The following IL1RAPL1 variants were observed in gnomAD, a reference collection of about 807,000 sequenced individuals.
The protein encoded by IL1RAPL1 is interleukin-1 receptor accessory protein-like 1.
IL1RAPL1 carries 3 observed loss-of-function variants against 48.4 expected under a neutral mutation model. The ratio of observed to expected loss-of-function variants is 0.06; its 90% confidence interval spans 0.03 to 0.16. IL1RAPL1 has a LOEUF of 0.16. Among genes scored for constraint, IL1RAPL1 ranks in the 10% least tolerant of loss-of-function variants. The pLI, the probability that IL1RAPL1 is intolerant of heterozygous loss-of-function variation, is 1.00. For missense variants in IL1RAPL1, 349 were observed against 530.6 expected (o/e 0.66, Z 3.36); for synonymous variants, 185 against 187.7 (o/e 0.99, Z 0.12).
intron 5 of IL1RAPL1, among the ~76,000 whole-genome samples, chrX:29,584,577 C>T (rs370751170): frequency 9.0e-6 from 1 of 111,266 alleles, no homozygotes; most frequent in African/African-American, 3.3e-5. Context: ...TCTCAGTCTT[C>T]ATCTTACTTA....
chrX:29,289,671 A>G (rs976729697), intron 3 of IL1RAPL1, among the ~76,000 whole-genome samples: 3 of 112,424 alleles, frequency 2.7e-5, no homozygotes, highest in East Asian at 2.8e-4. Flanking sequence ...GAGAATTGAT[A>G]TCTTTACCAT....
At position 29,811,370 on chromosome X, in the gene IL1RAPL1, C is replaced by G. The variant is rs765371335; in HGVS notation, c.779-106094C>G. 4.5e-5 allele frequency among the ~76,000 whole-genome samples: 5 copies of G among 110,014 alleles called. No individual in the cohort carries two copies. In the South Asian group the frequency reaches 1.6e-3, roughly 35 times the overall value. On this transcript the variant is annotated intron_variant, in intron 6 of 10. Transcript: ENST00000378993. Reference sequence around the variant, plus strand: ...CCAGTAGAACTTGGAGTTCAATGTTCGAGGGCAGGAAGCATCCAGCACAGG... The same window carrying G: ...CCAGTAGAACTTGGAGTTCAATGTTGGAGGGCAGGAAGCATCCAGCACAGG...
At chrX:28,991,413 G>A (rs1306426633) in intron 2 of IL1RAPL1, among the ~76,000 whole-genome samples, 1 of 111,006 alleles carries the variant, frequency 9.0e-6, no homozygotes, top group Non-Finnish European at 1.9e-5. Context: ...CAGTGAGAGG[G>A]GCTCTTTGTT....
intron 2 of IL1RAPL1, among the ~76,000 whole-genome samples, chrX:29,028,828 G>A (rs1396958569): frequency 9.0e-6 from 1 of 111,272 alleles, no homozygotes; most frequent in Non-Finnish European, 1.9e-5. Flanking sequence ...TCTTAGAGGT[G>A]CAAGATCTCA....
chrX:28,913,755 C>A (rs1923418863), intron 2 of IL1RAPL1, among the ~76,000 whole-genome samples: 1 of 111,445 alleles, frequency 9.0e-6, no homozygotes. Flanking sequence ...GGCATAGAAA[C>A]ATGAAGATAT....
chrX:28,607,941 TAG>T (rs750036848), intron 1 of IL1RAPL1, among the ~76,000 whole-genome samples: 260 of 111,437 alleles, frequency 2.3e-3, no homozygotes, highest in African/African-American at 8.0e-3. Flanking sequence ...TGGCTTCCTA[TAG>T]AGTTTGCACG....
At chrX:29,269,016 C>T (rs1009727406) in intron 2 of IL1RAPL1, among the ~76,000 whole-genome samples, 2 of 112,030 alleles carry the variant, frequency 1.8e-5, no homozygotes, top group Non-Finnish European at 3.8e-5. Context: ...TACATCTTTT[C>T]GGTAGAAAGT....
At chrX:29,082,387 CATTT>C (rs914092028) in intron 2 of IL1RAPL1, among the ~76,000 whole-genome samples, 1 of 112,113 alleles carries the variant, frequency 8.9e-6, no homozygotes. Flanking sequence ...TCCAAAATAA[CATTT>C]ATTCTTATTT....
rs553664432 is a variant in IL1RAPL1 at position 29,233,458 on chromosome X, C to T, written c.83-49480C>T. Among the ~76,000 whole-genome samples, 6 of 111,739 alleles carry T rather than the reference C, an allele frequency of 5.4e-5. No individual in the cohort carries two copies. The South Asian group carries it at 2.3e-3, about 42-fold the overall frequency. On this transcript the variant is annotated intron_variant, in intron 2 of 10. Coordinates refer to ENST00000378993, the MANE Select transcript of IL1RAPL1 (RefSeq NM_014271.4). ...AAGATTATAGTCTTATTTAATCTTT[C>T]TTTTTTTCTTATCTCCTTCCCCCAG...
chrX:29,415,711 G>A (rs5927487), intron 5 of IL1RAPL1, among the ~76,000 whole-genome samples: 1 of 111,175 alleles, frequency 9.0e-6, no homozygotes. Flanking sequence ...GAACCACCGC[G>A]CCCAGCCATT....
rs774973001 is a variant in IL1RAPL1, at chrX:29,322,754, A to G, written c.362+39537A>G. On this transcript the variant is annotated intron_variant, in intron 3 of 10. Coordinates refer to ENST00000378993, the MANE Select transcript of IL1RAPL1 (RefSeq NM_014271.4). ...CTTTCCACAGTGTCTTAACCCTTCAAAGACTCAGGTTTTACATCTAAAACC... is the reference window on the plus strand; with the variant it reads ...CTTTCCACAGTGTCTTAACCCTTCAGAGACTCAGGTTTTACATCTAAAACC... Among the ~76,000 whole-genome samples the G allele has an allele frequency of 3.6e-5, 4 of 111,231 alleles. No homozygotes were observed. In the Admixed American group the frequency reaches 3.8e-4, roughly 11 times the overall value.
chrX:29,261,401 C>T lies in IL1RAPL1; in HGVS notation c.83-21537C>T, dbSNP rs148677354. On this transcript the variant is annotated intron_variant, in intron 2 of 10. Transcript: ENST00000378993. The stretch of plus-strand genomic sequence containing the variant: ...TTTCCAAGAGACCTGGAATCAATTC[C>T]ATGCCTTAGGCTAAATTCTTAATCT... 3.8e-3 allele frequency among the ~76,000 whole-genome samples: 419 copies of T among 111,130 alleles called. 4 individuals are homozygous for T. Among genetic ancestry groups the T allele is most frequent in the African/African-American group, 0.014 (416 of 30,597 alleles).
At chrX:28,945,559 A>G (rs1214907671) in intron 2 of IL1RAPL1, among the ~76,000 whole-genome samples, 1 of 110,153 alleles carries the variant, frequency 9.1e-6, no homozygotes, top group East Asian at 2.9e-4. Context: ...ATGAGAACAC[A>G]TGACACAGGG....
intron 2 of IL1RAPL1, among the ~76,000 whole-genome samples, chrX:29,186,471 G>T (rs1233956559): frequency 9.0e-6 from 1 of 111,222 alleles, no homozygotes; most frequent in East Asian, 2.8e-4. Flanking sequence ...AGAAACCCTT[G>T]ATTTAAAAGA....
Position 29,634,148 on chromosome X carries a change from AAAGT to A in IL1RAPL1, c.704-34281_704-34278del, listed in dbSNP as rs1188371691. On this transcript the variant is annotated intron_variant, in intron 5 of 10. Transcript: ENST00000378993. ...CTTGATTCAGCAAAATGCAGGAATTAAAGTTAGTTGCCAGTGCGAAGCAACTCAG... is the reference window on the plus strand; with the variant it reads ...CTTGATTCAGCAAAATGCAGGAATTATAGTTGCCAGTGCGAAGCAACTCAG... Among the ~76,000 whole-genome samples, 4 of 112,287 alleles carry A rather than the reference AAAGT, an allele frequency of 3.6e-5. No homozygotes were observed. In the East Asian group the frequency reaches 1.1e-3, roughly 31 times the overall value.
At chrX:29,296,770 A>G (rs1932456355) in intron 3 of IL1RAPL1, among the ~76,000 whole-genome samples, 1 of 111,571 alleles carries the variant, frequency 9.0e-6, no homozygotes, top group African/African-American at 3.3e-5. Context: ...GTTTCCAGAA[A>G]AATTCTCCTT....
At chrX:28,648,536 C>T (rs1934642592) in intron 1 of IL1RAPL1, among the ~76,000 whole-genome samples, 1 of 111,951 alleles carries the variant, frequency 8.9e-6, no homozygotes, top group African/African-American at 3.2e-5. Flanking sequence ...ATAAGGAAGA[C>T]CACTACCTCA....
intron 6 of IL1RAPL1, among the ~76,000 whole-genome samples, chrX:29,901,059 T>C (rs1369008486): frequency 8.9e-6 from 1 of 112,086 alleles, no homozygotes; most frequent in Admixed American, 9.5e-5. Context: ...TTTTTCCTCG[T>C]ATTTCTGGTG....
At chrX:29,297,541 GA>G (rs1258135170) in intron 3 of IL1RAPL1, among the ~76,000 whole-genome samples, 1 of 112,038 alleles carries the variant, frequency 8.9e-6, no homozygotes, top group Non-Finnish European at 1.9e-5. Flanking sequence ...TTTTAGAATA[GA>G]AACTCTTCTG....
Sources: gnomAD v4.1 joint callset for allele counts (sites outside exome capture counted in the v4.1 genomes callset) on GRCh38, gnomAD v4.1.1 for gene constraint, MANE v1.5 for transcripts, NCBI Gene and HGNC (gene_info 2026-07-23, HGNC 2026-07-21) for gene names.